DACH1: variants seen among roughly 807,000 people sequenced by gnomAD.
The protein encoded by DACH1 is dachshund homolog 1.
Under a neutral mutation model 54.2 loss-of-function variants are expected in DACH1, and 12 were observed. The observed-to-expected ratio is 0.22, with a 90% confidence interval of 0.14 to 0.36. The LOEUF is 0.36. Among genes scored for constraint, DACH1 ranks in the 10% least tolerant of loss-of-function variants. The pLI, the probability that DACH1 is intolerant of heterozygous loss-of-function variation, is 1.00. For synonymous variants in DACH1, 386 were observed against 366.2 expected (o/e 1.05, Z -0.62); for missense variants, 805 against 929.8 (o/e 0.87, Z 1.75).
intron 6 of DACH1, among the ~76,000 whole-genome samples, chr13:71,520,375 T>A (rs143937041): frequency 6.6e-6 from 1 of 151,826 alleles, no homozygotes; most frequent in East Asian, 1.9e-4. Context: ...TTTTAGACTA[T>A]CCAGATTAAA....
chr13:71,497,859 GACACACACAC>G (rs6145114), intron 6 of DACH1, among the ~76,000 whole-genome samples: 13,297 of 145,542 alleles, frequency 0.091, 759 homozygotes, highest in East Asian at 0.17. Context: ...AATATGTGTT[GACACACACAC>G]ACACACACAC....
intron 1 of DACH1, among the ~76,000 whole-genome samples, chr13:71,701,257 A>T (rs1160939213): frequency 1.3e-5 from 2 of 152,170 alleles, no homozygotes; most frequent in Admixed American, 6.5e-5. Flanking sequence ...AATGGTTATT[A>T]AATTACTACA....
intron 1 of DACH1, among the ~76,000 whole-genome samples, chr13:71,698,986 T>C (rs891430905): frequency 2.0e-5 from 3 of 152,144 alleles, no homozygotes; most frequent in African/African-American, 7.2e-5. Context: ...AAATGTTGGA[T>C]AGAAGTAAAC....
At chr13:71,625,907 G>A (rs917300437) in intron 3 of DACH1, among the ~76,000 whole-genome samples, 7 of 151,882 alleles carry the variant, frequency 4.6e-5, no homozygotes, top group Admixed American at 6.6e-5. Flanking sequence ...ATTACATTTT[G>A]AATAGATATG....
chr13:71,822,015 C>T (rs1319623717), intron 1 of DACH1, among the ~76,000 whole-genome samples: 3 of 152,026 alleles, frequency 2.0e-5, no homozygotes, highest in South Asian at 2.1e-4. Context: ...GAACCGAGAT[C>T]GCACCTCTGC....
chr13:71,497,890 ACACACAC>A (rs1269613748), intron 6 of DACH1, among the ~76,000 whole-genome samples: 2 of 151,352 alleles, frequency 1.3e-5, no homozygotes, highest in Non-Finnish European at 2.9e-5. Flanking sequence ...ACACACACAC[ACACACAC>A]ACACAGATAC....
At chr13:71,817,502 G>T (rs532386177) in intron 1 of DACH1, among the ~76,000 whole-genome samples, 19 of 152,156 alleles carry the variant, frequency 1.2e-4, no homozygotes, top group African/African-American at 4.6e-4. Flanking sequence ...ACACACCAGG[G>T]AACTAGGCCT....
chr13:71,608,682 T>G (rs909171860), intron 3 of DACH1, among the ~76,000 whole-genome samples: 5 of 152,060 alleles, frequency 3.3e-5, no homozygotes, highest in African/African-American at 1.2e-4. Flanking sequence ...TAAAACTAAA[T>G]TATTCTAGAA....
intron 6 of DACH1, among the ~76,000 whole-genome samples, chr13:71,500,997 T>C (rs748803385): frequency 6.6e-6 from 1 of 152,112 alleles, no homozygotes. Context: ...CTTTAAACAA[T>C]AGCTTAACTC....
At chr13:71,652,166 C>A (rs1878733399) in intron 2 of DACH1, among the ~76,000 whole-genome samples, 1 of 152,102 alleles carries the variant, frequency 6.6e-6, no homozygotes, top group Non-Finnish European at 1.5e-5. Flanking sequence ...ATGCACCAAG[C>A]CACACGAATG....
chr13:71,680,269 T>C (rs1880819665), intron 2 of DACH1, among the ~76,000 whole-genome samples: 1 of 152,164 alleles, frequency 6.6e-6, no homozygotes, highest in Non-Finnish European at 1.5e-5. Context: ...GAAATTAGTA[T>C]AAAAATATTT....
chr13:71,524,749 T>C (rs550286390), intron 6 of DACH1, among the ~76,000 whole-genome samples: 1 of 152,220 alleles, frequency 6.6e-6, no homozygotes, highest in African/African-American at 2.4e-5. Context: ...CTCCGGAGGA[T>C]TGCAAAAGGC....
intron 1 of DACH1, among the ~76,000 whole-genome samples, chr13:71,791,330 A>C (rs907083547): frequency 2.0e-5 from 3 of 152,142 alleles, no homozygotes; most frequent in African/African-American, 7.2e-5. Flanking sequence ...TTGATAATTT[A>C]TTTTTAAAAT....
intron 1 of DACH1, among the ~76,000 whole-genome samples, chr13:71,696,580 T>C (rs1416173177): frequency 6.6e-6 from 1 of 151,844 alleles, no homozygotes; most frequent in Non-Finnish European, 1.5e-5. Context: ...AGAATTTCAC[T>C]CTTGTTGCCT....
At chr13:71,477,745 G>A (rs942050653) in intron 8 of DACH1, among the ~76,000 whole-genome samples, 1 of 152,070 alleles carries the variant, frequency 6.6e-6, no homozygotes, top group East Asian at 1.9e-4. Context: ...CCTGCACTTT[G>A]CCATTGACCG....
chr13:71,848,403 T>C (rs1255267331), intron 1 of DACH1, among the ~76,000 whole-genome samples: 1 of 152,240 alleles, frequency 6.6e-6, no homozygotes, highest in East Asian at 1.9e-4. Context: ...TAGATTGTTA[T>C]AGTTTAATTG....
intron 3 of DACH1, among the ~76,000 whole-genome samples, chr13:71,594,971 G>A (rs1025929634): frequency 6.6e-6 from 1 of 152,086 alleles, no homozygotes; most frequent in Non-Finnish European, 1.5e-5. Context: ...TTGTGTTAAG[G>A]GCTGTGGAGA....
chr13:71,522,250 C>T (rs369718912), intron 6 of DACH1, among the ~76,000 whole-genome samples: 17 of 152,132 alleles, frequency 1.1e-4, no homozygotes, highest in African/African-American at 4.1e-4. Context: ...AATGAGAACA[C>T]CTCAGAAGAC....
chr13:71,544,869 C>T (rs1394986615), intron 6 of DACH1, among the ~76,000 whole-genome samples: 1 of 151,952 alleles, frequency 6.6e-6, no homozygotes, highest in African/African-American at 2.4e-5. Flanking sequence ...TAGGATGAAT[C>T]CAAGTCCTAT....
Sources: gnomAD v4.1 joint callset for allele counts (sites outside exome capture counted in the v4.1 genomes callset) on GRCh38, gnomAD v4.1.1 for gene constraint, MANE v1.5 for transcripts, NCBI Gene and HGNC (gene_info 2026-07-23, HGNC 2026-07-21) for gene names.